The following TRDN variants were observed in gnomAD, a reference collection of about 807,000 sequenced individuals.
TRDN encodes the protein triadin in skeletal muscle.
In TRDN, 161 loss-of-function variants were observed where a neutral mutation model predicts 149.7. The observed-to-expected ratio is 1.08, with a 90% confidence interval of 0.95 to 1.23. The LOEUF is 1.23. TRDN is among the 50% of genes most tolerant of loss of function. The pLI is 0.00. For synonymous variants in TRDN, 294 were observed against 250.5 expected (o/e 1.17, Z -1.64); for missense variants, 896 against 823.5 (o/e 1.09, Z -1.08).
At chr6:123,359,803 C>T (rs1201105083) in intron 20 of TRDN, among the ~76,000 whole-genome samples, 3 of 152,128 alleles carry the variant, frequency 2.0e-5, no homozygotes, top group Admixed American at 6.5e-5. Context: ...TCACGCCATT[C>T]TCCTGCCTCA....
Position 123,352,598 on chromosome 6 carries a change from A to C in TRDN, c.1322-12T>G. On this transcript the variant is annotated splice_polypyrimidine_tract_variant and intron_variant, in intron 20 of 40. Coordinates refer to ENST00000334268, the MANE Select transcript of TRDN (RefSeq NM_006073.4). ...CTTTCCAGGTACAGCTGCAAAACAA[A>C]GATAAGGTTTAAAGAAGAGTTCCAG... The C allele has an allele frequency of 3.7e-6, 6 of 1,609,436 alleles. No individual in the cohort carries two copies. The highest frequency in any genetic ancestry group is 5.1e-6 in the Non-Finnish European group (6 of 1,177,792).
intron 2 of TRDN, among the ~76,000 whole-genome samples, chr6:123,566,792 T>C (rs888677097): frequency 1.3e-5 from 2 of 152,230 alleles, no homozygotes; most frequent in African/African-American, 4.8e-5. Context: ...ATAATTTACA[T>C]TTTGAAACTG....
Position 123,464,633 on chromosome 6 carries a change from T to A in TRDN, c.931+273A>T, listed in dbSNP as rs186364207. On this transcript the variant is annotated intron_variant, in intron 10 of 40. Coordinates refer to ENST00000334268, the MANE Select transcript of TRDN (RefSeq NM_006073.4). ...AGTTGCAAGGCATAGCCTTATCTAT[T>A]TGTCCCTATATTTTTTTGCTTGATT... The A allele has an allele frequency of 9.1e-5, 108 of 1,180,814 alleles. No homozygotes were observed. The African/African-American group carries it at 1.5e-3, about 16-fold the overall frequency. The allele number at this position is 1,180,814 out of a possible 1,614,324, so 73.1% of individuals were successfully genotyped here. A position where few individuals can be genotyped will look rare whatever the true frequency, so the allele number is the denominator to read the frequency against.
chr6:123,464,866 A>G (rs1250071091), intron 10 of TRDN, 40 bp downstream of exon 10: 2 of 1,550,160 alleles, frequency 1.3e-6, no homozygotes, highest in African/African-American at 2.7e-5. Context: ...ATTCTATTTT[A>G]TCTACAATAG....
chr6:123,388,055 C>T (rs1021015600), intron 14 of TRDN, among the ~76,000 whole-genome samples: 1 of 149,254 alleles, frequency 6.7e-6, no homozygotes, highest in Non-Finnish European at 1.5e-5. Flanking sequence ...AAATGAAAAG[C>T]GGTATATAAG....
chr6:123,225,927 T>C (rs1775341443), intron 38 of TRDN, among the ~76,000 whole-genome samples: 3 of 151,776 alleles, frequency 2.0e-5, no homozygotes, highest in African/African-American at 2.4e-5. Flanking sequence ...GTCAGTTTTG[T>C]CTTATTTATT....
In TRDN at chr6:123,224,135, G is replaced by C. The variant is rs1775267368; in HGVS notation, c.1976-4C>G. On this transcript the variant is annotated splice_polypyrimidine_tract_variant and splice_region_variant and intron_variant, in intron 38 of 40. Coordinates refer to ENST00000334268, the MANE Select transcript of TRDN (RefSeq NM_006073.4). ...GCTGGTACATCTTCAACATCTTCTA[G>C]AGTACAGAAAAAAGGCACATAGAAT... 2 of 1,609,900 alleles carry C rather than the reference G, an allele frequency of 1.2e-6. No homozygotes were observed. Among genetic ancestry groups the C allele is most frequent in the African/African-American group, 1.3e-5 (1 of 74,642 alleles).
intron 2 of TRDN, among the ~76,000 whole-genome samples, chr6:123,556,004 G>A (rs58753850): frequency 0.032 from 4,844 of 152,010 alleles, 108 homozygotes; most frequent in African/African-American, 0.066. Context: ...AAATATGTAG[G>A]ATAAAATAAA....
intron 12 of TRDN, chr6:123,411,748 A>T (rs1297292360): frequency 6.6e-6 from 1 of 152,204 alleles, no homozygotes; most frequent in Non-Finnish European, 1.5e-5. Context: ...GCTTTGCACA[A>T]CTGGTTTCTG....
intron 14 of TRDN, 69 bp from the exon 15 acceptor site, chr6:123,382,216 A>C: frequency 9.7e-7 from 1 of 1,031,598 alleles, no homozygotes; most frequent in Non-Finnish European, 1.4e-6. Flanking sequence ...GCTCACAACA[A>C]ATTTCTATAA....
intron 20 of TRDN, among the ~76,000 whole-genome samples, chr6:123,364,227 T>C (rs908296817): frequency 9.2e-5 from 14 of 152,280 alleles, no homozygotes; most frequent in African/African-American, 3.4e-4. Flanking sequence ...ATATCCAGGC[T>C]CCCATTGATG....
chr6:123,289,431 G>A (rs1233867624), intron 24 of TRDN, among the ~76,000 whole-genome samples: 1 of 151,992 alleles, frequency 6.6e-6, no homozygotes, highest in Non-Finnish European at 1.5e-5. Flanking sequence ...GGCGATCACA[G>A]TCAATAATAA....
At chr6:123,584,624 G>T (rs911233192) in intron 1 of TRDN, among the ~76,000 whole-genome samples, 1 of 152,056 alleles carries the variant, frequency 6.6e-6, no homozygotes, top group Non-Finnish European at 1.5e-5. Flanking sequence ...ATGAAATTTG[G>T]GCTTGACTGA....
intron 10 of TRDN, chr6:123,462,233 C>T (rs530446383): frequency 6.6e-6 from 1 of 152,170 alleles, no homozygotes; most frequent in East Asian, 1.9e-4. Flanking sequence ...GTAATAAAAG[C>T]TTCATTATGG....
intron 13 of TRDN, chr6:123,389,543 C>A (rs1038446075): frequency 2.0e-5 from 3 of 152,044 alleles, no homozygotes; most frequent in Admixed American, 6.6e-5. Context: ...GAAAATGAAG[C>A]CTCTGAAACA....
chr6:123,551,511 G>A (rs1186779226), intron 2 of TRDN, among the ~76,000 whole-genome samples: 2 of 151,614 alleles, frequency 1.3e-5, no homozygotes, highest in Non-Finnish European at 2.9e-5. Context: ...CTTTTTTTAA[G>A]AAGATACTTA....
intron 4 of TRDN, among the ~76,000 whole-genome samples, chr6:123,533,988 C>G (rs1033845316): frequency 6.6e-6 from 1 of 152,126 alleles, no homozygotes; most frequent in East Asian, 1.9e-4. Context: ...ATCAGTCTCA[C>G]AGGGAAAGCC....
chr6:123,383,433 G>GA (rs1236950840), intron 14 of TRDN, among the ~76,000 whole-genome samples: 8 of 151,708 alleles, frequency 5.3e-5, no homozygotes, highest in Non-Finnish European at 7.4e-5. Flanking sequence ...AATCCATAGA[G>GA]AAAAAAAGCA....
chr6:123,601,562 A>G (rs547094651), intron 1 of TRDN, among the ~76,000 whole-genome samples: 21 of 152,188 alleles, frequency 1.4e-4, no homozygotes, highest in South Asian at 4.1e-4. Flanking sequence ...CATTGGTGCT[A>G]ATTGGTAAAA....
Sources: allele counts gnomAD v4.1 joint callset (sites outside exome capture counted in the v4.1 genomes callset), GRCh38; gene constraint gnomAD v4.1.1; transcripts MANE v1.5; gene names NCBI Gene and HGNC (gene_info 2026-07-23, HGNC 2026-07-21).